Variants in SVIL observed in about 807,000 individuals in gnomAD.
The protein encoded by SVIL is archvillin.
In SVIL, 101 loss-of-function variants were observed where a neutral mutation model predicts 240.4. That is an observed-to-expected ratio of 0.42 (90% CI 0.36 to 0.50). SVIL has a LOEUF of 0.50. Ranked by LOEUF, SVIL falls within the 20% of genes least tolerant of loss-of-function variation. The pLI is 0.01. For synonymous variants in SVIL, 999 were observed against 1,100.0 expected (o/e 0.91, Z 1.82); for missense variants, 2,512 against 2,818.7 (o/e 0.89, Z 2.46).
At chr10:29,712,905 G>T (rs886951602) in intron 1 of SVIL, among the ~76,000 whole-genome samples, 1 of 152,158 alleles carries the variant, frequency 6.6e-6, no homozygotes, top group African/African-American at 2.4e-5. Flanking sequence ...GGCTGGGCAC[G>T]GTGGCTCAGG....
At chr10:29,570,824 C>T (rs1392523782) in intron 1 of SVIL, among the ~76,000 whole-genome samples, 2 of 152,120 alleles carry the variant, frequency 1.3e-5, no homozygotes, top group African/African-American at 4.8e-5. Flanking sequence ...TTTATAAACT[C>T]AATTAGATAT....
At chr10:29,515,940 T>C (rs1950170832) in intron 16 of SVIL, among the ~76,000 whole-genome samples, 1 of 152,076 alleles carries the variant, frequency 6.6e-6, no homozygotes, top group African/African-American at 2.4e-5. Flanking sequence ...CCTAAGACAC[T>C]GGGAATTGTT....
chr10:29,604,639 A>T (rs1956950119), intron 1 of SVIL, among the ~76,000 whole-genome samples: 1 of 151,854 alleles, frequency 6.6e-6, no homozygotes, highest in Non-Finnish European at 1.5e-5. Context: ...ATCATACGTC[A>T]CTGCAGCCTC....
intron 3 of SVIL, among the ~76,000 whole-genome samples, chr10:29,562,084 T>C (rs1390995546): frequency 1.3e-5 from 2 of 152,236 alleles, no homozygotes; most frequent in Non-Finnish European, 2.9e-5. Context: ...ATACGTTTTT[T>C]GTTCTAATTT....
At chr10:29,466,025 G>C (rs1018579190) in intron 33 of SVIL, among the ~76,000 whole-genome samples, 2 of 152,000 alleles carry the variant, frequency 1.3e-5, no homozygotes, top group Non-Finnish European at 2.9e-5. Flanking sequence ...TTGTAATACA[G>C]CAACTAGTTA....
chr10:29,477,051 CAG>C (rs1250976965), intron 29 of SVIL, among the ~76,000 whole-genome samples: 35 of 151,990 alleles, frequency 2.3e-4, no homozygotes, highest in Admixed American at 7.9e-4. Context: ...TTAGTAGAGA[CAG>C]GGGGTTTCAC....
chr10:29,534,934 G>A (rs1313020803), intron 7 of SVIL, among the ~76,000 whole-genome samples: 1 of 152,178 alleles, frequency 6.6e-6, no homozygotes, highest in Non-Finnish European at 1.5e-5. Flanking sequence ...ACTGATTAGG[G>A]CTCAGCTTTA....
In SVIL at chr10:29,588,675, C is replaced by T. The variant is rs149376220; in HGVS notation, c.-200-19363G>A. On this transcript the variant is annotated intron_variant, in intron 1 of 37. Coordinates refer to ENST00000355867, the MANE Select transcript of SVIL (RefSeq NM_021738.3). ...GGAACCCCAAACTCACTATGCCAAA[C>T]GGAAAGTGAAGCTTAGGAACCGAGT... Among the ~76,000 whole-genome samples the T allele has an allele frequency of 9.9e-4, 151 of 152,270 alleles. No individual in the cohort carries two copies. In the East Asian group the frequency reaches 0.023, roughly 23 times the overall value.
intron 1 of SVIL, among the ~76,000 whole-genome samples, chr10:29,584,020 G>A (rs1317164148): frequency 6.6e-6 from 1 of 152,218 alleles, no homozygotes; most frequent in Admixed American, 6.5e-5. Flanking sequence ...ATGATATAAA[G>A]CCTGGGAAGA....
chr10:29,706,574 T>C (rs1962904982), intron 1 of SVIL, among the ~76,000 whole-genome samples: 1 of 152,190 alleles, frequency 6.6e-6, no homozygotes, highest in Non-Finnish European at 1.5e-5. Context: ...ATGGGTAGAT[T>C]GCAAAAAGTT....
chr10:29,564,124 C>T (rs1280776008), intron 2 of SVIL, among the ~76,000 whole-genome samples: 1 of 151,938 alleles, frequency 6.6e-6, no homozygotes, highest in Non-Finnish European at 1.5e-5. Flanking sequence ...GTGGTGTCAA[C>T]ACTCCCACCA....
intron 2 of SVIL, among the ~76,000 whole-genome samples, chr10:29,686,119 A>G (rs1961048129): frequency 6.6e-6 from 1 of 152,248 alleles, no homozygotes; most frequent in South Asian, 2.1e-4. Context: ...AGGCAGAGCA[A>G]CTTGAAGTAG....
intron 1 of SVIL, among the ~76,000 whole-genome samples, chr10:29,623,800 G>A (rs1348675114): frequency 6.6e-6 from 1 of 151,530 alleles, no homozygotes; most frequent in Admixed American, 6.6e-5. Context: ...GCAGTGAGCC[G>A]AGATCACACC....
chr10:29,606,478 TCTCTGA>T (rs770784975), intron 1 of SVIL, among the ~76,000 whole-genome samples: 4 of 152,224 alleles, frequency 2.6e-5, no homozygotes, highest in Non-Finnish European at 5.9e-5. Context: ...CTCTTCTCTC[TCTCTGA>T]CTCTGTCTCT....
At chr10:29,579,927 C>T (rs1485633646) in intron 1 of SVIL, among the ~76,000 whole-genome samples, 1 of 152,042 alleles carries the variant, frequency 6.6e-6, no homozygotes, top group African/African-American at 2.4e-5. Context: ...TATTTAATTC[C>T]TTTAGTCTTC....
intron 1 of SVIL, among the ~76,000 whole-genome samples, chr10:29,731,929 C>T (rs1036813927): frequency 6.6e-6 from 1 of 152,250 alleles, no homozygotes; most frequent in Non-Finnish European, 1.5e-5. Flanking sequence ...GAACAAGCTG[C>T]TATGTGATCC....
At chr10:29,645,019 A>C (rs187334935) in intron 3 of SVIL, among the ~76,000 whole-genome samples, 231 of 152,212 alleles carry the variant, frequency 1.5e-3, no homozygotes, top group Non-Finnish European at 2.7e-3. Context: ...TCAAGAAAAG[A>C]AAATAACAGA....
chr10:29,732,192 T>C (rs559209670), intron 1 of SVIL, among the ~76,000 whole-genome samples: 92 of 149,176 alleles, frequency 6.2e-4, no homozygotes, highest in Non-Finnish European at 1.1e-3. Flanking sequence ...ATAATGACAA[T>C]CCCTCTCTGT....
At chr10:29,485,435 A>C (rs1947303856) in intron 26 of SVIL, among the ~76,000 whole-genome samples, 2 of 152,230 alleles carry the variant, frequency 1.3e-5, no homozygotes, top group Admixed American at 1.3e-4. Context: ...CCAGCAATTC[A>C]AATTTTGCTT....
Sources: allele counts gnomAD v4.1 joint callset (sites outside exome capture counted in the v4.1 genomes callset), GRCh38; gene constraint gnomAD v4.1.1; transcripts MANE v1.5; gene names NCBI Gene and HGNC (gene_info 2026-07-23, HGNC 2026-07-21).